CCDC3: variants seen among roughly 807,000 people sequenced by gnomAD.
CCDC3 encodes the protein coiled-coil domain containing 3.
CCDC3 carries 24 observed loss-of-function variants against 21.4 expected under a neutral mutation model. The ratio of observed to expected loss-of-function variants is 1.12; its 90% CI spans 0.81 to 1.58. The LOEUF is 1.58. Ranked by LOEUF, CCDC3 falls within the 40% of genes most tolerant of loss-of-function variation. The pLI is 0.00. For synonymous variants in CCDC3, 186 were observed against 166.0 expected (o/e 1.12, Z -0.93); for missense variants, 425 against 360.9 (o/e 1.18, Z -1.44).
At chr10:12,923,043 C>A (rs1834476725) in intron 2 of CCDC3, among the ~76,000 whole-genome samples, 1 of 152,062 alleles carries the variant, frequency 6.6e-6, no homozygotes, top group Admixed American at 6.6e-5. Context: ...TTTTAAAAGT[C>A]ATTTGGGGGA....
At chr10:13,027,783 C>T (rs1054018512) in intron 5 of CCDC3, among the ~76,000 whole-genome samples, 17 of 150,860 alleles carry the variant, frequency 1.1e-4, no homozygotes, top group African/African-American at 2.4e-4. Context: ...TTAATCAATA[C>T]GACCTTACAA....
At chr10:12,935,844 T>C (rs1589012974) in intron 2 of CCDC3, among the ~76,000 whole-genome samples, 1 of 152,098 alleles carries the variant, frequency 6.6e-6, no homozygotes, top group East Asian at 1.9e-4. Context: ...CCAAGTACAC[T>C]TTCAAGTAAC....
At chr10:12,940,740 A>G (rs1432862218) in intron 2 of CCDC3, among the ~76,000 whole-genome samples, 1 of 152,218 alleles carries the variant, frequency 6.6e-6, no homozygotes, top group Non-Finnish European at 1.5e-5. Flanking sequence ...AATTTAAATG[A>G]GGCAGAATTA....
chr10:13,036,794 ATT>A (rs35674867), intron 5 of CCDC3, among the ~76,000 whole-genome samples: 23,762 of 144,908 alleles, frequency 0.16, 2,036 homozygotes, highest in Admixed American at 0.24. Context: ...TCTTATGTAC[ATT>A]TTTTTTTTTT....
At chr10:13,024,514 T>C (rs1221252573) in intron 5 of CCDC3, among the ~76,000 whole-genome samples, 1 of 152,224 alleles carries the variant, frequency 6.6e-6, no homozygotes, top group African/African-American at 2.4e-5. Context: ...CATATTTCAC[T>C]CCCAGCACCC....
intron 2 of CCDC3, among the ~76,000 whole-genome samples, chr10:12,938,851 T>C (rs1333655997): frequency 1.3e-5 from 2 of 152,240 alleles, no homozygotes; most frequent in Admixed American, 6.5e-5. Flanking sequence ...GCCTGCTTAA[T>C]AGACATTTGT....
At chr10:13,027,385 C>T (rs1399285405) in intron 5 of CCDC3, among the ~76,000 whole-genome samples, 1 of 152,174 alleles carries the variant, frequency 6.6e-6, no homozygotes, top group Non-Finnish European at 1.5e-5. Flanking sequence ...TGGTTCCCAT[C>T]TGTCATATTT....
intron 2 of CCDC3, among the ~76,000 whole-genome samples, chr10:12,916,847 G>C (rs2131211255): frequency 6.6e-6 from 1 of 152,344 alleles, no homozygotes; most frequent in African/African-American, 2.4e-5. Context: ...TCTGGTGCTG[G>C]GGTGGATCTG....
intron 2 of CCDC3, among the ~76,000 whole-genome samples, chr10:12,941,334 GC>G (rs1215544445): frequency 6.6e-6 from 1 of 152,172 alleles, no homozygotes; most frequent in Non-Finnish European, 1.5e-5. Context: ...ATAAAAATGG[GC>G]AACCAGCAGC....
chr10:13,030,459 T>C (rs1474773850), intron 5 of CCDC3, among the ~76,000 whole-genome samples: 2 of 152,128 alleles, frequency 1.3e-5, no homozygotes. Flanking sequence ...CCAGCTAACA[T>C]CATAACGACA....
intron 2 of CCDC3, among the ~76,000 whole-genome samples, chr10:12,987,440 T>A (rs950912324): frequency 3.3e-5 from 5 of 152,192 alleles, no homozygotes; most frequent in Admixed American, 6.5e-5. Context: ...CTTATTAGTA[T>A]GTTACCTTTT....
At chr10:12,992,393 GAAACA>G (rs1288107302) in intron 2 of CCDC3, among the ~76,000 whole-genome samples, 1 of 151,634 alleles carries the variant, frequency 6.6e-6, no homozygotes, top group African/African-American at 2.4e-5. Flanking sequence ...CATCTCAAAA[GAAACA>G]AAACAAAACA....
intron 4 of CCDC3, among the ~76,000 whole-genome samples, chr10:13,063,211 C>G (rs184420783): frequency 1.0e-3 from 87 of 83,824 alleles, no homozygotes; most frequent in Middle Eastern, 5.6e-3. Flanking sequence ...GTGTGAATTA[C>G]TCTTTCTCTA....
chr10:13,063,402 G>T (rs2131434218), intron 4 of CCDC3, among the ~76,000 whole-genome samples: 1 of 152,270 alleles, frequency 6.6e-6, no homozygotes, highest in South Asian at 2.1e-4. Context: ...CCATGAAACT[G>T]AAACTGTCAT....
At chr10:12,937,327 C>T (rs1834755875) in intron 2 of CCDC3, among the ~76,000 whole-genome samples, 1 of 152,166 alleles carries the variant, frequency 6.6e-6, no homozygotes, top group African/African-American at 2.4e-5. Flanking sequence ...TATTTATTTT[C>T]ACTCATTTCC....
At chr10:12,932,750 G>C (rs146789012) in intron 2 of CCDC3, among the ~76,000 whole-genome samples, 2 of 152,196 alleles carry the variant, frequency 1.3e-5, no homozygotes, top group Admixed American at 6.5e-5. Context: ...TGATCTTAGC[G>C]GGAAAGCTTT....
chr10:12,934,247 G>A (rs1301902343), intron 2 of CCDC3, among the ~76,000 whole-genome samples: 2 of 152,184 alleles, frequency 1.3e-5, no homozygotes, highest in Non-Finnish European at 2.9e-5. Context: ...GGACTTTTCA[G>A]ATATATCTGT....
intron 2 of CCDC3, among the ~76,000 whole-genome samples, chr10:12,939,383 C>G (rs1000199878): frequency 9.2e-5 from 14 of 152,216 alleles, no homozygotes; most frequent in African/African-American, 3.4e-4. Context: ...GTAGTCCCGG[C>G]ACTTTGGGAA....
At chr10:12,916,028 G>C (rs1834347603) in intron 2 of CCDC3, among the ~76,000 whole-genome samples, 1 of 152,090 alleles carries the variant, frequency 6.6e-6, no homozygotes, top group Non-Finnish European at 1.5e-5. Context: ...GGGTTCTCAA[G>C]GACAGGCCAA....
Sources: gnomAD v4.1 joint callset for allele counts (sites outside exome capture counted in the v4.1 genomes callset) on GRCh38, gnomAD v4.1.1 for gene constraint, MANE v1.5 for transcripts, NCBI Gene and HGNC (gene_info 2026-07-23, HGNC 2026-07-21) for gene names.